Variants in PTPRJ observed in about 807,000 individuals in gnomAD.
The protein encoded by PTPRJ is protein tyrosine phosphatase receptor type J.
PTPRJ carries 129 observed loss-of-function variants against 141.3 expected under a neutral mutation model. The observed-to-expected ratio is 0.91, with a 90% CI of 0.79 to 1.06. PTPRJ has a LOEUF of 1.06. Among genes scored for constraint, PTPRJ ranks in the 50% least tolerant of loss-of-function variants. PTPRJ has a pLI of 0.00. For missense variants in PTPRJ, 1,601 were observed against 1,679.7 expected (o/e 0.95, Z 0.82); for synonymous variants, 610 against 640.5 (o/e 0.95, Z 0.72).
rs937920464 is a variant in PTPRJ, at chr11:48,170,743, T to C, written c.*3381T>C. The C allele has an allele frequency of 8.2e-6, 1 of 121,886 alleles. No homozygotes were observed. Among genetic ancestry groups the C allele is most frequent in the Admixed American group, 1.0e-4 (1 of 9,900 alleles). The allele number at this position is 121,886 out of a possible 1,614,324, so 7.6% of individuals were successfully genotyped here. A position where few individuals can be genotyped will look rare whatever the true frequency, so the allele number is the denominator to read the frequency against. The stretch of plus-strand genomic sequence containing the variant: ...ATGTTTGTTATACTTGTACAGAGTA[T>C]TGCTGTTGGTTGCTTTTTTTTTTTT... On this transcript the variant is annotated 3_prime_UTR_variant, in exon 25 of 25. Transcript: ENST00000418331.
In PTPRJ at chr11:48,052,759, G is replaced by A. The variant is rs539110097; in HGVS notation, c.97-57299G>A. 3.3e-5 allele frequency among the ~76,000 whole-genome samples: 5 copies of A among 152,220 alleles called. No individual in the cohort carries two copies. The South Asian group carries it at 8.3e-4, about 25-fold the overall frequency. ...CCCTACCTTACCGCCATTAATACATGTCCTTCATGCATCCCTGGGTAACAG... is the reference window on the plus strand; with the variant it reads ...CCCTACCTTACCGCCATTAATACATATCCTTCATGCATCCCTGGGTAACAG... On this transcript the variant is annotated intron_variant, in intron 1 of 24. Coordinates refer to ENST00000418331, the MANE Select transcript of PTPRJ (RefSeq NM_002843.4).
chr11:48,041,511 A>G (rs550044511), intron 1 of PTPRJ, among the ~76,000 whole-genome samples: 1 of 152,362 alleles, frequency 6.6e-6, no homozygotes, highest in African/African-American at 2.4e-5. Flanking sequence ...TTCTCAGATG[A>G]GAAGTCTCAC....
At chr11:48,090,591 C>T (rs909591894) in intron 1 of PTPRJ, among the ~76,000 whole-genome samples, 3 of 152,236 alleles carry the variant, frequency 2.0e-5, no homozygotes, top group Admixed American at 6.5e-5. Flanking sequence ...GTTTTCTGCC[C>T]TGGAATGCTG....
chr11:48,034,425 A>G (rs762443720), intron 1 of PTPRJ, among the ~76,000 whole-genome samples: 1 of 152,148 alleles, frequency 6.6e-6, no homozygotes, highest in Non-Finnish European at 1.5e-5. Flanking sequence ...ATTAAATAAC[A>G]TAGTGGCTAT....
intron 1 of PTPRJ, among the ~76,000 whole-genome samples, chr11:48,057,861 C>CT (rs1473034195): frequency 6.6e-6 from 1 of 151,926 alleles, no homozygotes; most frequent in Non-Finnish European, 1.5e-5. Flanking sequence ...CAGTTCATGA[C>CT]TGCTTCATCC....
In PTPRJ at chr11:48,142,977, G is replaced by T. The variant is rs780701233; in HGVS notation, c.2502G>T (p.Lys834Asn). 6.2e-7 allele frequency: 1 copy of T among 1,614,174 alleles called. No individual in the cohort carries two copies. Among genetic ancestry groups the T allele is most frequent in the Non-Finnish European group, 8.5e-7 (1 of 1,180,012 alleles). Residue 834 changes from lysine to asparagine, a missense_variant, in exon 12 of 25, where the codon AAG becomes AAT. By Grantham distance (94) the Lys-to-Asn change is moderately conservative. Coordinates refer to ENST00000418331, the MANE Select transcript of PTPRJ (RefSeq NM_002843.4). The stretch of plus-strand genomic sequence containing the variant: ...CATCTGTCAGTCACAATTCAGTAAA[G>T]GTCAAGTTCAGTGGATTTGAAGCCA... ...NITSVSHNSV[K>N]VKFSGFEASH...
At chr11:48,118,334 C>T (rs773584391) in intron 3 of PTPRJ, among the ~76,000 whole-genome samples, 2 of 152,198 alleles carry the variant, frequency 1.3e-5, no homozygotes, top group Non-Finnish European at 2.9e-5. Context: ...ACCCCCACCA[C>T]CTTGGCCTCC....
intron 1 of PTPRJ, among the ~76,000 whole-genome samples, chr11:48,108,099 C>G (rs1248445125): frequency 6.6e-6 from 1 of 152,036 alleles, no homozygotes; most frequent in Non-Finnish European, 1.5e-5. Flanking sequence ...AAAAGTTATT[C>G]AAAAAATACT....
chr11:48,016,033 C>G (rs867660753), intron 1 of PTPRJ, among the ~76,000 whole-genome samples: 1 of 151,998 alleles, frequency 6.6e-6, no homozygotes, highest in Non-Finnish European at 1.5e-5. Context: ...GCAGTGGGAG[C>G]CAGGTCTGTT....
chr11:48,129,667 C>T (rs781194692), intron 7 of PTPRJ, among the ~76,000 whole-genome samples: 4 of 152,140 alleles, frequency 2.6e-5, no homozygotes, highest in Non-Finnish European at 4.4e-5. Context: ...TGGAGAGTCA[C>T]CACCTTGGTC....
chr11:47,997,394 C>T (rs930103909), intron 1 of PTPRJ, among the ~76,000 whole-genome samples: 6 of 152,226 alleles, frequency 3.9e-5, no homozygotes, highest in African/African-American at 4.8e-5. Flanking sequence ...CCCGTGAGAC[C>T]GTAGGTCTAA....
Position 48,149,457 on chromosome 11 carries a change from A to G in PTPRJ, c.3010A>G (p.Lys1004Glu), listed in dbSNP as rs893966080. ...IFWRKKRKDAKNNEVSFSQIK... is the reference protein window; with the variant it reads ...IFWRKKRKDAENNEVSFSQIK... ...TTTCTCTTAAAACAGGAAAGATGCA[A>G]AGAATAATGAAGTGTCCTTTTCTCA... Residue 1004 changes from lysine (K) to glutamate (E), a missense_variant, in exon 16 of 25, where the codon AAG (lysine) becomes GAG (glutamate). Lys to Glu is a moderately conservative substitution (Grantham distance 56). Coordinates refer to ENST00000418331, the MANE Select transcript of PTPRJ (RefSeq NM_002843.4). 8.6e-6 allele frequency: 13 copies of G among 1,518,298 alleles called. No homozygotes were observed. Among genetic ancestry groups the G allele is most frequent in the Non-Finnish European group, 1.2e-5 (13 of 1,106,788 alleles). 94.1% of individuals were successfully genotyped at this position (1,518,298 alleles called of 1,614,324 possible).
chr11:48,004,753 G>A (rs760632053), intron 1 of PTPRJ, among the ~76,000 whole-genome samples: 3 of 152,146 alleles, frequency 2.0e-5, no homozygotes, highest in Non-Finnish European at 4.4e-5. Flanking sequence ...TGGACTTGGA[G>A]GATGCCTGCG....
At chr11:48,055,249 G>T (rs1159154630) in intron 1 of PTPRJ, among the ~76,000 whole-genome samples, 1 of 152,042 alleles carries the variant, frequency 6.6e-6, no homozygotes. Context: ...GCCCTCAAAA[G>T]ATGACCCTCC....
chr11:48,134,622 G>T (rs1445990533), intron 8 of PTPRJ, among the ~76,000 whole-genome samples: 1 of 152,172 alleles, frequency 6.6e-6, no homozygotes. Flanking sequence ...TGCAGTGAAA[G>T]CATTTCCCTT....
chr11:47,992,943 TC>T (rs1485598179), intron 1 of PTPRJ, among the ~76,000 whole-genome samples: 1 of 152,156 alleles, frequency 6.6e-6, no homozygotes, highest in Non-Finnish European at 1.5e-5. Flanking sequence ...AAGTCACTGT[TC>T]CAGGGAATGG....
intron 1 of PTPRJ, among the ~76,000 whole-genome samples, chr11:48,006,837 C>T (rs1854635954): frequency 6.6e-6 from 1 of 151,988 alleles, no homozygotes; most frequent in African/African-American, 2.4e-5. Context: ...CAGAAACCTC[C>T]CCTTTGGCAT....
intron 15 of PTPRJ, among the ~76,000 whole-genome samples, chr11:48,147,180 G>A (rs1329738147): frequency 6.6e-6 from 1 of 152,154 alleles, no homozygotes; most frequent in Non-Finnish European, 1.5e-5. Context: ...ACTGATAGAC[G>A]CCACAGTGTG....
At chr11:48,058,600 C>T (rs1236364046) in intron 1 of PTPRJ, among the ~76,000 whole-genome samples, 1 of 152,106 alleles carries the variant, frequency 6.6e-6, no homozygotes, top group African/African-American at 2.4e-5. Flanking sequence ...AAACCCAGAA[C>T]CTTACTACTT....
Sources: allele counts gnomAD v4.1 joint callset (sites outside exome capture counted in the v4.1 genomes callset), GRCh38; gene constraint gnomAD v4.1.1; transcripts MANE v1.5; gene names NCBI Gene and HGNC (gene_info 2026-07-23, HGNC 2026-07-21).